Variants in CDH18 observed in about 807,000 individuals in gnomAD.
CDH18 encodes cadherin-18.
Under a neutral mutation model 67.9 loss-of-function variants are expected in CDH18, and 31 were observed. The ratio of observed to expected loss-of-function variants is 0.46; its 90% CI spans 0.34 to 0.62. CDH18 has a LOEUF of 0.62. CDH18 is among the 20% of genes least tolerant of loss of function. CDH18 has a pLI of 0.01. For missense variants in CDH18, 890 were observed against 975.5 expected, an observed-to-expected ratio of 0.91 and a Z score of 1.17; for synonymous variants, 362 against 347.2, an observed-to-expected ratio of 1.04 and a Z score of -0.48.
At chr5:20,204,414 T>C (rs1739712538) in intron 2 of CDH18, among the ~76,000 whole-genome samples, 1 of 151,804 alleles carries the variant, frequency 6.6e-6, no homozygotes, top group Admixed American at 6.6e-5. Context: ...CCTTCAAATA[T>C]GAAGGAGAGA....
intron 1 of CDH18, among the ~76,000 whole-genome samples, chr5:20,374,302 A>T (rs1580854838): frequency 6.6e-6 from 1 of 152,240 alleles, no homozygotes; most frequent in South Asian, 2.1e-4. Flanking sequence ...AGACTTATCT[A>T]TTGAGAAAGA....
intron 2 of CDH18, among the ~76,000 whole-genome samples, chr5:19,930,338 A>G (rs1793545872): frequency 1.3e-5 from 2 of 152,054 alleles, no homozygotes; most frequent in Admixed American, 6.6e-5. Context: ...AAGGAGAAAC[A>G]TATGTGTACA....
chr5:20,394,906 T>A (rs1745162064), intron 1 of CDH18, among the ~76,000 whole-genome samples: 1 of 151,906 alleles, frequency 6.6e-6, no homozygotes, highest in Non-Finnish European at 1.5e-5. Context: ...CCAGGCAGGA[T>A]GGCAAGTATT....
intron 3 of CDH18, among the ~76,000 whole-genome samples, chr5:19,831,733 A>G (rs1437372095): frequency 6.6e-6 from 1 of 152,150 alleles, no homozygotes; most frequent in Non-Finnish European, 1.5e-5. Flanking sequence ...TGTTCAAACC[A>G]TCCAACCCAC....
In CDH18 at chr5:20,437,757, C is replaced by T. The variant is rs1421170229; in HGVS notation, c.-580+137705G>A. Among the ~76,000 whole-genome samples, 3 of 151,190 alleles carry T rather than the reference C, an allele frequency of 2.0e-5. No individual in the cohort carries two copies. The East Asian group carries it at 5.8e-4, about 29-fold the overall frequency. ...TTTTAAAACAAAGATAAGTTTTATT[C>T]ATGCTCCATGAAAAAATTAGTAGAA... is the stretch of plus-strand genomic sequence containing the variant. On this transcript the variant is annotated intron_variant, in intron 1 of 14. Transcript: ENST00000507958.
chr5:19,712,213 G>A (rs1448725397), intron 5 of CDH18, among the ~76,000 whole-genome samples: 3 of 151,664 alleles, frequency 2.0e-5, no homozygotes, highest in Admixed American at 1.3e-4. Flanking sequence ...ACATTTTCTG[G>A]GTGTTTATTA....
chr5:20,545,682 A>G (rs1018520075), intron 1 of CDH18, among the ~76,000 whole-genome samples: 7 of 152,114 alleles, frequency 4.6e-5, no homozygotes, highest in African/African-American at 1.7e-4. Flanking sequence ...GGCCCATAAA[A>G]CCATTTTTCC....
At chr5:20,429,414 C>A (rs1748568489) in intron 1 of CDH18, among the ~76,000 whole-genome samples, 1 of 152,206 alleles carries the variant, frequency 6.6e-6, no homozygotes. Context: ...GTGAAAGCAA[C>A]AGTTATTCCC....
rs1269584511 is a variant in CDH18, at chr5:19,647,289, G to A, written c.644-34688C>T. 6.6e-5 allele frequency among the ~76,000 whole-genome samples: 10 copies of A among 151,852 alleles called. No individual in the cohort carries two copies. The East Asian group carries it at 7.8e-4, about 12-fold the overall frequency. On this transcript the variant is annotated intron_variant, in intron 5 of 12. Transcript: ENST00000382275. ...TACAATCCCAGCACTTTGGTAGGCC[G>A]AAGCAGGCGGATCACGAGGTCAAGA...
At chr5:19,684,639 A>G (rs1216832277) in intron 5 of CDH18, among the ~76,000 whole-genome samples, 1 of 151,854 alleles carries the variant, frequency 6.6e-6, no homozygotes, top group Admixed American at 6.6e-5. Flanking sequence ...ATAAAACTAC[A>G]TGTTTAAAAA....
intron 5 of CDH18, among the ~76,000 whole-genome samples, chr5:19,688,752 T>C (rs996207797): frequency 4.6e-5 from 7 of 152,026 alleles, no homozygotes; most frequent in African/African-American, 1.7e-4. Context: ...AGAAGTTCCA[T>C]GAAAACAAAA....
At chr5:19,943,429 C>T (rs1276100253) in intron 2 of CDH18, among the ~76,000 whole-genome samples, 1 of 152,006 alleles carries the variant, frequency 6.6e-6, no homozygotes, top group Non-Finnish European at 1.5e-5. Flanking sequence ...ACATATGAAT[C>T]CCAAGATAGA....
intron 1 of CDH18, among the ~76,000 whole-genome samples, chr5:20,414,565 T>G (rs190263750): frequency 6.6e-6 from 1 of 152,258 alleles, no homozygotes; most frequent in East Asian, 1.9e-4. Flanking sequence ...ACCCCAGCAT[T>G]ACACAATATA....
At chr5:20,394,829 A>G (rs1745154986) in intron 1 of CDH18, among the ~76,000 whole-genome samples, 1 of 152,202 alleles carries the variant, frequency 6.6e-6, no homozygotes, top group Non-Finnish European at 1.5e-5. Context: ...AACATATGAA[A>G]AAATGCTCAA....
At position 19,715,357 on chromosome 5, in the gene CDH18, T is replaced by C. The variant is rs562031794; in HGVS notation, c.643+5990A>G. ...TAACTGAGTTCATTTTTATAGCTGATTGAATTCTGTTACAATATGTTGAGA... is the reference window on the plus strand; with the variant it reads ...TAACTGAGTTCATTTTTATAGCTGACTGAATTCTGTTACAATATGTTGAGA... On this transcript the variant is annotated intron_variant, in intron 5 of 12. Transcript: ENST00000382275. 2.0e-5 allele frequency among the ~76,000 whole-genome samples: 3 copies of C among 152,296 alleles called. No homozygotes were observed. In the East Asian group the frequency reaches 5.8e-4, roughly 29 times the overall value.
chr5:19,625,577 TCTCC>T (rs970920691), intron 5 of CDH18, among the ~76,000 whole-genome samples: 71 of 152,324 alleles, frequency 4.7e-4, no homozygotes, highest in African/African-American at 1.6e-3. Flanking sequence ...CCCAAGCCTC[TCTCC>T]CTGGCTTATC....
chr5:20,172,184 T>G (rs1580398203), intron 2 of CDH18, among the ~76,000 whole-genome samples: 1 of 25,820 alleles, frequency 3.9e-5, no homozygotes, highest in South Asian at 1.2e-3. Context: ...ATCAATAGCA[T>G]TGTGTGTATA....
intron 2 of CDH18, among the ~76,000 whole-genome samples, chr5:20,179,807 A>G (rs566511068): frequency 6.6e-6 from 1 of 152,220 alleles, no homozygotes; most frequent in East Asian, 1.9e-4. Flanking sequence ...ATAATTGGCT[A>G]AAGGTGAAGA....
chr5:19,733,535 T>C (rs1464354544), intron 4 of CDH18, among the ~76,000 whole-genome samples: 1 of 152,024 alleles, frequency 6.6e-6, no homozygotes, highest in Non-Finnish European at 1.5e-5. Context: ...CAACTATCAG[T>C]ATGACCTCAT....
Sources: allele counts gnomAD v4.1 joint callset (sites outside exome capture counted in the v4.1 genomes callset), GRCh38; gene constraint gnomAD v4.1.1; transcripts MANE v1.5; gene names NCBI Gene and HGNC (gene_info 2026-07-23, HGNC 2026-07-21).